EML6: variants seen among roughly 807,000 people sequenced by gnomAD.
The protein encoded by EML6 is echinoderm microtubule-associated protein-like 6.
A neutral mutation model predicts 240.1 loss-of-function variants in EML6; 154 were observed. The ratio of observed to expected loss-of-function variants is 0.64; its 90% CI spans 0.56 to 0.73. The LOEUF (loss-of-function observed/expected upper bound fraction) is 0.73. EML6 is among the 30% of genes least tolerant of loss of function. The probability of loss-of-function intolerance (pLI) is 0.00; values close to 1 mark genes in which losing one functional copy is unlikely to be tolerated. For missense variants in EML6, 2,964 were observed against 2,474.6 expected, an observed-to-expected ratio of 1.20 and a Z score of -4.20; for synonymous variants, 1,148 against 899.0, an observed-to-expected ratio of 1.28 and a Z score of -4.95.
intron 2 of EML6, among the ~76,000 whole-genome samples, chr2:54,781,496 T>C (rs1227018742): frequency 6.6e-6 from 1 of 152,194 alleles, no homozygotes; most frequent in East Asian, 1.9e-4. Flanking sequence ...AGTCACCCTC[T>C]ACTTCACCTG....
chr2:54,914,590 G>A (rs1412153116), intron 25 of EML6, among the ~76,000 whole-genome samples: 2 of 152,198 alleles, frequency 1.3e-5, no homozygotes, highest in East Asian at 1.9e-4. Context: ...ACCCTGTGGT[G>A]CACATTTGTT....
In EML6 at chr2:54,900,037, T is replaced by C. The variant is rs1360636432; in HGVS notation, c.3124+255T>C. Among the ~76,000 whole-genome samples the C allele has an allele frequency of 2.6e-5, 4 of 152,346 alleles. No individual in the cohort carries two copies. The East Asian group carries it at 7.7e-4, about 29-fold the overall frequency. ...ACAGATATTTGCCACCTGGGGGCAA[T>C]ATGTCCTTCCTCTTCTCATTGAGAG... On this transcript the variant is annotated intron_variant, in intron 22 of 41. Coordinates refer to ENST00000356458, the MANE Select transcript of EML6 (RefSeq NM_001039753.4).
At chr2:54,849,647 G>T (rs1258158939) in intron 9 of EML6, among the ~76,000 whole-genome samples, 1 of 151,996 alleles carries the variant, frequency 6.6e-6, no homozygotes, top group Admixed American at 6.6e-5. Context: ...TGCCACCACG[G>T]CCGGCTAATT....
intron 28 of EML6, among the ~76,000 whole-genome samples, chr2:54,942,947 C>T (rs1248121734): frequency 6.6e-6 from 1 of 152,168 alleles, no homozygotes; most frequent in African/African-American, 2.4e-5. Context: ...TGGCCCTTCT[C>T]CCCTACATTC....
intron 26 of EML6, among the ~76,000 whole-genome samples, chr2:54,919,904 T>G (rs1344385124): frequency 6.6e-6 from 1 of 152,234 alleles, no homozygotes; most frequent in Admixed American, 6.5e-5. Flanking sequence ...TTCAACAAAG[T>G]TACACTATGT....
intron 26 of EML6, among the ~76,000 whole-genome samples, chr2:54,926,616 T>G (rs959744354): frequency 1.3e-5 from 2 of 152,246 alleles, no homozygotes; most frequent in African/African-American, 2.4e-5. Context: ...GTCTTTCTCT[T>G]GAGACAGCAG....
chr2:54,942,451 G>A, intron 28 of EML6, among the ~76,000 whole-genome samples: 1 of 152,312 alleles, frequency 6.6e-6, no homozygotes, highest in East Asian at 1.9e-4. Flanking sequence ...TGGGGGGAAT[G>A]GGCACTACCA....
At chr2:54,806,478 T>TAGCACGTGCC (rs1424803156) in intron 2 of EML6, among the ~76,000 whole-genome samples, 26 of 151,642 alleles carry the variant, frequency 1.7e-4, no homozygotes, top group African/African-American at 6.3e-4. Context: ...CTGGGCGTGG[T>TAGCACGTGCC]AGCACGTGCC....
intron 28 of EML6, among the ~76,000 whole-genome samples, chr2:54,936,968 CTTTTTTTTT>C (rs141307785): frequency 7.5e-6 from 1 of 132,634 alleles, no homozygotes; most frequent in Non-Finnish European, 1.6e-5. Flanking sequence ...TCATGTCTCT[CTTTTTTTTT>C]TTTTTTTTTT....
intron 24 of EML6, among the ~76,000 whole-genome samples, chr2:54,909,744 T>C (rs1673539329): frequency 6.7e-6 from 1 of 150,306 alleles, no homozygotes; most frequent in Non-Finnish European, 1.5e-5. Flanking sequence ...CTCAGAAGGC[T>C]GAGGCAAGAG....
intron 2 of EML6, among the ~76,000 whole-genome samples, chr2:54,791,456 T>C (rs1370286591): frequency 6.6e-6 from 1 of 152,224 alleles, no homozygotes; most frequent in African/African-American, 2.4e-5. Context: ...CCCTTCCTCT[T>C]GTACCTGTGA....
intron 32 of EML6, 131 bp from the exon 33 acceptor site, chr2:54,957,659 G>T: frequency 2.6e-6 from 2 of 773,318 alleles, no homozygotes; most frequent in Non-Finnish European, 4.3e-6. Flanking sequence ...TGTCTGAAGG[G>T]GAGAGAGTGC....
intron 38 of EML6, 83 bp downstream of exon 38, chr2:54,964,816 T>C: frequency 1.5e-6 from 2 of 1,325,496 alleles, no homozygotes; most frequent in South Asian, 1.4e-5. Context: ...GAGTCCTTAC[T>C]GTGTACCAGG....
rs184756753 is a variant in EML6 at position 54,878,734 on chromosome 2, T to C, written c.2345-813T>C. 4.7e-3 allele frequency among the ~76,000 whole-genome samples: 721 copies of C among 152,284 alleles called. 3 individuals are homozygous for C. The highest frequency in any genetic ancestry group is 8.1e-3 in the Non-Finnish European group (553 of 68,018). On this transcript the variant is annotated intron_variant, in intron 16 of 41. Transcript: ENST00000356458. ...AGTTATACATAGGGATTTACAGTAATCTATTCTTGCCACTTTTCTAAACAA... is the reference window on the plus strand; with the variant it reads ...AGTTATACATAGGGATTTACAGTAACCTATTCTTGCCACTTTTCTAAACAA...
At chr2:54,863,188 A>G (rs60740571) in intron 12 of EML6, among the ~76,000 whole-genome samples, 3,626 of 152,270 alleles carry the variant, frequency 0.024, 145 homozygotes, top group African/African-American at 0.083. Flanking sequence ...TTAAAAGGCT[A>G]AAGAGGATCT....
intron 7 of EML6, among the ~76,000 whole-genome samples, chr2:54,833,925 G>A (rs776596879): frequency 3.3e-5 from 5 of 152,102 alleles, no homozygotes; most frequent in Admixed American, 2.0e-4. Flanking sequence ...AGGCTACTGG[G>A]TGTCTTTATA....
chr2:54,906,074 C>A (rs979959986), intron 24 of EML6, among the ~76,000 whole-genome samples: 3 of 152,162 alleles, frequency 2.0e-5, no homozygotes, highest in African/African-American at 7.2e-5. Flanking sequence ...TATGGTAGTT[C>A]TATTTTTAAC....
intron 2 of EML6, among the ~76,000 whole-genome samples, chr2:54,742,858 C>G (rs1355151750): frequency 2.0e-5 from 3 of 152,170 alleles, no homozygotes; most frequent in African/African-American, 7.2e-5. Flanking sequence ...ACACGTAAGT[C>G]CTCACTGAAT....
chr2:54,858,393 C>T (rs1361891486), intron 11 of EML6, among the ~76,000 whole-genome samples: 1 of 152,162 alleles, frequency 6.6e-6, no homozygotes, highest in East Asian at 1.9e-4. Context: ...GCTAATTGAT[C>T]TGTGAGGAAG....
Sources: gnomAD v4.1 joint callset for allele counts (sites outside exome capture counted in the v4.1 genomes callset) on GRCh38, gnomAD v4.1.1 for gene constraint, MANE v1.5 for transcripts, NCBI Gene and HGNC (gene_info 2026-07-23, HGNC 2026-07-21) for gene names.